TIA1: variants seen among roughly 807,000 people sequenced by gnomAD.
The protein encoded by TIA1 is TIA1 cytotoxic granule associated RNA binding protein, also known as cytotoxic granule associated RNA binding protein TIA1.
In TIA1, 23 loss-of-function variants were observed where a neutral mutation model predicts 65.9. The observed-to-expected ratio is 0.35, with a 90% CI of 0.25 to 0.49. The LOEUF (loss-of-function observed/expected upper bound fraction) is 0.49, where lower values mean the gene tolerates loss of function less well. Among genes scored for constraint, TIA1 ranks in the 20% least tolerant of loss-of-function variants. TIA1 has a pLI of 0.98. For synonymous variants in TIA1, 147 were observed against 149.4 expected, an observed-to-expected ratio of 0.98 and a Z score of 0.12; for missense variants, 371 against 477.9, an observed-to-expected ratio of 0.78 and a Z score of 2.09.
At position 70,211,338 on chromosome 2, in the gene TIA1, A is replaced by T. The variant is rs1676434736; in HGVS notation, c.*1381T>A. The T allele has an allele frequency of 6.6e-6, 1 of 152,242 alleles. No homozygotes were observed. Among genetic ancestry groups the T allele is most frequent in the South Asian group, 2.1e-4 (1 of 4,834 alleles). The allele number at this position is 152,242 out of a possible 1,614,324, so 9.4% of individuals were successfully genotyped here. On this transcript the variant is annotated 3_prime_UTR_variant, in exon 13 of 13. Transcript: ENST00000433529. ...ATAATAAAATCGGGAACTCCAGGAA[A>T]ACAGGTACCAAACGAATCAAAATAA...
At chr2:70,223,533 C>A (rs939112537) in intron 7 of TIA1, among the ~76,000 whole-genome samples, 1 of 151,886 alleles carries the variant, frequency 6.6e-6, no homozygotes, top group African/African-American at 2.4e-5. Context: ...GTGATCCTCC[C>A]GCCTCAGCCC....
intron 1 of TIA1, among the ~76,000 whole-genome samples, chr2:70,239,674 C>T (rs1690817626): frequency 1.3e-5 from 2 of 152,168 alleles, no homozygotes; most frequent in Admixed American, 1.3e-4. Context: ...TAACACGAAG[C>T]CTTTGGAAAA....
rs746531756 is a variant in TIA1, at chr2:70,213,345, C to CT, written c.1035-501dup. On this transcript the variant is annotated intron_variant, in intron 12 of 12. Transcript: ENST00000433529. The stretch of plus-strand genomic sequence containing the variant: ...ACATTACAAGATTTTCTTTTCTTTT[C>CT]TTTTTTTTTTTTTTTTAAGACAGGT... Among the ~76,000 whole-genome samples the CT allele has an allele frequency of 5.9e-3, 811 of 137,258 alleles. 11 individuals carry two copies. Among genetic ancestry groups the CT allele is most frequent in the East Asian group, 0.056 (266 of 4,752 alleles). 90.0% of individuals were successfully genotyped at this position (137,258 alleles called of 152,430 possible). A position where few individuals can be genotyped will look rare whatever the true frequency, so the allele number is the denominator to read the frequency against.
intron 8 of TIA1, 129 bp from the exon 9 acceptor site, chr2:70,216,628 T>C (rs1678747676): frequency 7.7e-7 from 1 of 1,296,556 alleles, no homozygotes; most frequent in Non-Finnish European, 1.0e-6. Context: ...ACACATATTA[T>C]ACTTCAGTTC....
In TIA1 at chr2:70,231,940, T is replaced by G. The variant is rs888337606; in HGVS notation, c.124-1086A>C. ...TCTTCCCGCCAGGCGCAGTGGCTCA[T>G]GCCTGTAATCCCAGCACTTCGAGAG... is the stretch of plus-strand genomic sequence containing the variant. On this transcript the variant is annotated intron_variant, in intron 2 of 12. Transcript: ENST00000433529. Among the ~76,000 whole-genome samples the G allele has an allele frequency of 2.0e-5, 3 of 152,156 alleles. No homozygotes were observed. The South Asian group carries it at 6.2e-4, about 32-fold the overall frequency.
chr2:70,235,499 T>C (rs768555285), intron 2 of TIA1, among the ~76,000 whole-genome samples: 1 of 151,950 alleles, frequency 6.6e-6, no homozygotes, highest in Non-Finnish European at 1.5e-5. Context: ...AATGTCTTTT[T>C]ATACCTATTA....
At chr2:70,215,817 TG>T (rs1185491133) in intron 10 of TIA1, among the ~76,000 whole-genome samples, 2 of 152,128 alleles carry the variant, frequency 1.3e-5, no homozygotes, top group Admixed American at 1.3e-4. Context: ...ATTGTGATCT[TG>T]GCTCACTGCA....
intron 12 of TIA1, among the ~76,000 whole-genome samples, chr2:70,214,070 GA>G (rs1240853963): frequency 1.3e-5 from 2 of 152,064 alleles, no homozygotes; most frequent in South Asian, 2.1e-4. Flanking sequence ...AAGGCATATT[GA>G]AAAAACCCTT....
At chr2:70,237,876 A>AG (rs986335498) in intron 1 of TIA1, among the ~76,000 whole-genome samples, 5 of 148,816 alleles carry the variant, frequency 3.4e-5, no homozygotes, top group Non-Finnish European at 7.4e-5. Context: ...AAAAGAAAAA[A>AG]AAAGGCTGGG....
At chr2:70,229,765 C>A (rs1193126044) in intron 3 of TIA1, among the ~76,000 whole-genome samples, 1 of 151,952 alleles carries the variant, frequency 6.6e-6, no homozygotes, top group African/African-American at 2.4e-5. Context: ...AGAGTGAAAC[C>A]CTGTCTCTAC....
At chr2:70,222,623 A>G (rs1195092340) in intron 7 of TIA1, among the ~76,000 whole-genome samples, 4 of 152,190 alleles carry the variant, frequency 2.6e-5, no homozygotes, top group African/African-American at 7.2e-5. Flanking sequence ...ATAGAAGATT[A>G]TATTATTTAC....
chr2:70,222,280 G>A (rs1681782203), intron 7 of TIA1, among the ~76,000 whole-genome samples: 1 of 152,182 alleles, frequency 6.6e-6, no homozygotes. Context: ...AGGAAGAATG[G>A]GAAGGTGGAT....
At chr2:70,230,627 G>T in intron 3 of TIA1, 129 bp downstream of exon 3, 1 of 619,626 alleles carries the variant, frequency 1.6e-6, no homozygotes, top group Non-Finnish European at 2.7e-6. Context: ...ACTCCAGATT[G>T]GGCAACAAGG....
chr2:70,216,649 C>A, intron 8 of TIA1, 150 bp from the exon 9 acceptor site: 1 of 1,342,444 alleles, frequency 7.4e-7, no homozygotes. Flanking sequence ...AGAATTAAAC[C>A]TCCCCCACGA....
At chr2:70,214,864 T>G (rs17005408) in intron 11 of TIA1, among the ~76,000 whole-genome samples, 4,192 of 152,302 alleles carry the variant, frequency 0.028, 376 homozygotes, top group Admixed American at 0.17. Flanking sequence ...TTCAGCTTAC[T>G]TAAGACACTT....
chr2:70,244,355 T>C (rs1457239196), intron 1 of TIA1, among the ~76,000 whole-genome samples: 1 of 152,226 alleles, frequency 6.6e-6, no homozygotes, highest in Non-Finnish European at 1.5e-5. Context: ...TAATTACTTA[T>C]GTAAATTCGT....
At chr2:70,228,841 C>T in intron 5 of TIA1, 1 of 1,421,270 alleles carries the variant, frequency 7.0e-7, no homozygotes, top group Non-Finnish European at 9.2e-7. Context: ...AAGGCATCAG[C>T]TGCTACCAAA....
chr2:70,214,246 C>T (rs1677589355), intron 12 of TIA1, 103 bp downstream of exon 12: 3 of 1,277,064 alleles, frequency 2.3e-6, no homozygotes, highest in Non-Finnish European at 3.2e-6. Context: ...TTACGCTTTA[C>T]ATAAGAGGCC....
At chr2:70,213,330 ATTTTC>A (rs575205526) in intron 12 of TIA1, among the ~76,000 whole-genome samples, 167 of 150,456 alleles carry the variant, frequency 1.1e-3, no homozygotes, top group East Asian at 2.0e-3. Flanking sequence ...ACATTACAAG[ATTTTC>A]TTTTCTTTTC....
Sources: allele counts gnomAD v4.1 joint callset (sites outside exome capture counted in the v4.1 genomes callset), GRCh38; gene constraint gnomAD v4.1.1; transcripts MANE v1.5; gene names NCBI Gene and HGNC (gene_info 2026-07-23, HGNC 2026-07-21).